ADAMTS7: variants seen among roughly 807,000 people sequenced by gnomAD.
The protein encoded by ADAMTS7 is ADAM metallopeptidase with thrombospondin type 1 motif 7, also known as A disintegrin and metalloproteinase with thrombospondin motifs 7.
ADAMTS7 carries 89 observed loss-of-function variants against 172.6 expected under a neutral mutation model. That is an observed-to-expected ratio of 0.52 (90% CI 0.43 to 0.61). The LOEUF is 0.61. ADAMTS7 is among the 20% of genes least tolerant of loss of function. The pLI, the probability that ADAMTS7 is intolerant of heterozygous loss-of-function variation, is 0.00. For missense variants in ADAMTS7, 1,973 were observed against 2,355.6 expected (o/e 0.84, Z 3.36); for synonymous variants, 885 against 978.4 (o/e 0.90, Z 1.78).
At chr15:78,805,552 C>T (rs2055776919) in intron 1 of ADAMTS7, among the ~76,000 whole-genome samples, 1 of 152,188 alleles carries the variant, frequency 6.6e-6, no homozygotes, top group African/African-American at 2.4e-5. Context: ...GCTCCCTTTC[C>T]CATCATGCTT....
intron 1 of ADAMTS7, among the ~76,000 whole-genome samples, chr15:78,809,618 T>A (rs2055839036): frequency 6.6e-6 from 1 of 152,196 alleles, no homozygotes; most frequent in African/African-American, 2.4e-5. Context: ...TTAATCCTCA[T>A]AAGAATCCCA....
At chr15:78,797,295 C>T (rs1406952881) in intron 3 of ADAMTS7, among the ~76,000 whole-genome samples, 2 of 152,268 alleles carry the variant, frequency 1.3e-5, no homozygotes, top group Admixed American at 6.5e-5. Flanking sequence ...GAAGAGGAAG[C>T]ACATCTATGA....
chr15:78,809,056 G>C (rs927782956), intron 1 of ADAMTS7, among the ~76,000 whole-genome samples: 1 of 152,114 alleles, frequency 6.6e-6, no homozygotes, highest in Non-Finnish European at 1.5e-5. Flanking sequence ...CTGGCAGGGT[G>C]GGGGGTAGTA....
In ADAMTS7 at chr15:78,777,515, C is replaced by T. The variant is rs757781735; in HGVS notation, c.1396G>A (p.Val466Ile). 36 of 1,611,684 alleles carry T rather than the reference C, an allele frequency of 2.2e-5. No homozygotes were observed. Among genetic ancestry groups the T allele is most frequent in the Admixed American group, 8.4e-5 (5 of 59,716 alleles). The change falls in exon 9 of 24, where the codon GTC (valine) becomes ATC (isoleucine). Residue 466 changes from valine to isoleucine, a missense_variant. This residue lies in a region of ADAMTS7 where 526 missense variants were observed against 662.9 expected (regional missense o/e 0.79). Transcript: ENST00000388820. ...CACTGGTGGCTTACATCATAGAGGA[C>T]GCCAGGTGGCACCGAGGGGAAGTCG... ...IIDFPSVPPG[V>I]LYDVSHQCRL...
chr15:78,793,737 T>C (rs766580531), intron 4 of ADAMTS7, among the ~76,000 whole-genome samples: 24 of 152,170 alleles, frequency 1.6e-4, no homozygotes, highest in Non-Finnish European at 2.8e-4. Context: ...CAAGTCAGTC[T>C]TAAATAAACA....
At chr15:78,776,627 G>T in intron 10 of ADAMTS7, 122 bp downstream of exon 10, 1 of 1,063,722 alleles carries the variant, frequency 9.4e-7, no homozygotes, top group Non-Finnish European at 1.4e-6. Context: ...GGGCTGCAGA[G>T]AGCGTGGGGC....
chr15:78,781,152 C>T (rs543270149), intron 8 of ADAMTS7, among the ~76,000 whole-genome samples: 16 of 152,292 alleles, frequency 1.1e-4, no homozygotes, highest in African/African-American at 9.6e-5. Flanking sequence ...AGTGCCTCTG[C>T]GACGCCCCCA....
chr15:78,807,471 TAAG>T (rs1447363560), intron 1 of ADAMTS7, among the ~76,000 whole-genome samples: 1 of 152,218 alleles, frequency 6.6e-6, no homozygotes, highest in Non-Finnish European at 1.5e-5. Flanking sequence ...TGGACAGGGC[TAAG>T]TAGAGCTATG....
rs1162716767 is a variant in ADAMTS7, at chr15:78,776,758, C to T, written c.1551G>A (p.Gly517=). 3.9e-6 allele frequency: 6 copies of T among 1,550,726 alleles called. No individual in the cohort carries two copies. The highest frequency in any genetic ancestry group is 2.4e-5 in the East Asian group (1 of 40,976). Residue 517 remains glycine, a synonymous_variant, in exon 10 of 24, where the codon GGG becomes GGA. Coordinates refer to ENST00000388820, the MANE Select transcript of ADAMTS7 (RefSeq NM_014272.5). ...TGGGGACATCCCCTACCTTATTCTCCCCACACCGGGTGCCGTCCACAGCTG... is the reference window on the plus strand; with the variant it reads ...TGGGGACATCCCCTACCTTATTCTCTCCACACCGGGTGCCGTCCACAGCTG... ...LDAAVDGTRC[G]ENKWCLSGEC...
At chr15:78,795,790 A>G (rs1221408198) in intron 4 of ADAMTS7, among the ~76,000 whole-genome samples, 1 of 152,144 alleles carries the variant, frequency 6.6e-6, no homozygotes, top group Non-Finnish European at 1.5e-5. Flanking sequence ...AGCAGCTTGG[A>G]GCCTGAGGCC....
rs2055283950 is a variant in ADAMTS7, at chr15:78,773,272, C to T, written c.2011-69G>A. 7 of 1,354,790 alleles carry T rather than the reference C, an allele frequency of 5.2e-6. 2 individuals carry two copies. The South Asian group carries it at 6.6e-5, about 13-fold the overall frequency. 83.9% of individuals were successfully genotyped at this position (1,354,790 alleles called of 1,614,324 possible). A position where few individuals can be genotyped will look rare whatever the true frequency, so the allele number is the denominator to read the frequency against. On this transcript the variant is annotated intron_variant, in intron 13 of 23. Coordinates refer to ENST00000388820, the MANE Select transcript of ADAMTS7 (RefSeq NM_014272.5). ...CCCTCTGTGGCCCCAGCCCCGGGGC[C>T]AGCCAGAGTCAGGAGAAGAAAGCTG...
chr15:78,796,038 C>T (rs774602044), intron 4 of ADAMTS7, among the ~76,000 whole-genome samples: 11 of 152,188 alleles, frequency 7.2e-5, no homozygotes, highest in African/African-American at 2.7e-4. Context: ...AAGGTACTGT[C>T]GTCATGCCCA....
At chr15:78,798,229 T>TGCCCGCGGACACACTGTACTTTCCTCC in intron 2 of ADAMTS7, 116 bp from the exon 3 acceptor site, 1 of 997,000 alleles carries the variant, frequency 1.0e-6, no homozygotes, top group Non-Finnish European at 1.4e-6. Flanking sequence ...CACCTGTGAC[T>TGCCCGCGGACACACTGTACTTTCCTCC]GCCCGCGGAC....
chr15:78,760,965 C>G (rs1482158651), intron 23 of ADAMTS7, among the ~76,000 whole-genome samples: 3 of 152,160 alleles, frequency 2.0e-5, no homozygotes, highest in Admixed American at 6.5e-5. Context: ...CCATCTGGTC[C>G]TCCCCCACTG....
chr15:78,761,095 G>A (rs989670760), intron 23 of ADAMTS7, among the ~76,000 whole-genome samples: 2 of 152,242 alleles, frequency 1.3e-5, no homozygotes, highest in South Asian at 2.1e-4. Flanking sequence ...GGTGCGTGCT[G>A]AGGGCAGGCA....
At chr15:78,800,129 G>C in intron 2 of ADAMTS7, 63 bp downstream of exon 2, 1 of 1,429,418 alleles carries the variant, frequency 7.0e-7, no homozygotes, top group South Asian at 1.2e-5. Flanking sequence ...GGCAAGGCTA[G>C]AGCCAATCTG....
In ADAMTS7 at chr15:78,788,413, C is replaced by T. The variant is rs142776388; in HGVS notation, c.1179-39G>A. 1.7e-3 allele frequency: 2,777 copies of T among 1,603,398 alleles called. 12 individuals are homozygous for T. The highest frequency in any genetic ancestry group is 0.012 in the Middle Eastern group (55 of 4,448). On this transcript the variant is annotated intron_variant, in intron 7 of 23. Coordinates refer to ENST00000388820, the MANE Select transcript of ADAMTS7 (RefSeq NM_014272.5). ...CAGGCCCCAGGGGCGGGTGAGCCGG[C>T]GGGAGGCTGCCAGCCTGCCCTCCCC...
At chr15:78,802,762 C>T (rs1402812158) in intron 1 of ADAMTS7, among the ~76,000 whole-genome samples, 1 of 152,052 alleles carries the variant, frequency 6.6e-6, no homozygotes, top group Non-Finnish European at 1.5e-5. Context: ...TTTGGGAGGC[C>T]GAGGCAGGCA....
intron 1 of ADAMTS7, among the ~76,000 whole-genome samples, chr15:78,806,284 T>A (rs1377501079): frequency 6.6e-6 from 1 of 152,002 alleles, no homozygotes; most frequent in Non-Finnish European, 1.5e-5. Context: ...GGAGGATGCA[T>A]TTGAGATGTC....
Sources: gnomAD v4.1 joint callset for allele counts (sites outside exome capture counted in the v4.1 genomes callset) on GRCh38, gnomAD v4.1.1 for gene constraint, gnomAD v4.1.1 regional missense constraint, MANE v1.5 for transcripts, NCBI Gene and HGNC (gene_info 2026-07-23, HGNC 2026-07-21) for gene names.